MYOCD: variants seen among roughly 807,000 people sequenced by gnomAD.
The protein encoded by MYOCD is myocardin.
MYOCD carries 32 observed loss-of-function variants against 96.1 expected under a neutral mutation model. That is an observed-to-expected ratio of 0.33 (90% CI 0.25 to 0.45). MYOCD has a LOEUF of 0.45. MYOCD is among the 20% of genes least tolerant of loss of function. MYOCD has a pLI of 1.00. For synonymous variants in MYOCD, 469 were observed against 469.0 expected (o/e 1.00, Z 0.00); for missense variants, 1,133 against 1,200.6 (o/e 0.94, Z 0.83).
intron 1 of MYOCD, among the ~76,000 whole-genome samples, chr17:12,676,220 T>C (rs1910027969): frequency 2.0e-5 from 3 of 147,780 alleles, no homozygotes; most frequent in Admixed American, 6.9e-5. Flanking sequence ...ATTTTAGACT[T>C]AGCACCCTCC....
chr17:12,749,240 GA>G (rs1369916876), intron 9 of MYOCD, among the ~76,000 whole-genome samples: 1 of 152,052 alleles, frequency 6.6e-6, no homozygotes, highest in East Asian at 1.9e-4. Context: ...TTCAAAACGT[GA>G]TTTCAGGCGG....
intron 7 of MYOCD, among the ~76,000 whole-genome samples, chr17:12,743,523 G>A (rs369092181): frequency 6.0e-5 from 7 of 116,344 alleles, no homozygotes; most frequent in African/African-American, 1.7e-4. Flanking sequence ...ATGGAGTTTC[G>A]CTCTTGTTGC....
At position 12,763,081 on chromosome 17, in the gene MYOCD, G is replaced by A; in HGVS notation, c.2398G>A (p.Ala800Thr). The change falls in exon 14 of 14, where the codon GCA becomes ACA. Residue 800 changes from alanine (A) to threonine (T), a missense_variant. By Grantham distance (58) the Ala-to-Thr change is moderately conservative. Coordinates refer to ENST00000425538, the MANE Select transcript of MYOCD (RefSeq NM_001146312.3). ...DVLIESGEMP[A>T]DAREDHSCLQ... ...TCGTGTATTGCCCACAGAAATGCCAGCAGACGCTAGAGAGGATCACTCATG... is the reference window on the plus strand; with the variant it reads ...TCGTGTATTGCCCACAGAAATGCCAACAGACGCTAGAGAGGATCACTCATG... The A allele has an allele frequency of 6.2e-7, 1 of 1,604,560 alleles. No individual in the cohort carries two copies. Among genetic ancestry groups the A allele is most frequent in the Non-Finnish European group, 8.5e-7 (1 of 1,176,246 alleles).
At position 12,717,316 on chromosome 17, in the gene MYOCD, T is replaced by C. The variant is rs1332170063; in HGVS notation, c.178-30T>C. On this transcript the variant is annotated intron_variant, in intron 3 of 13. Coordinates refer to ENST00000425538, the MANE Select transcript of MYOCD (RefSeq NM_001146312.3). ...AATTGAGTTTTTTAAAAGGTAAAAC[T>C]AGGTGATTTCTCTTGTTTGGGTTCT... 3.8e-6 allele frequency: 6 copies of C among 1,568,734 alleles called. 1 individual carries two copies. In the South Asian group the frequency reaches 6.8e-5, roughly 18 times the overall value.
In MYOCD at chr17:12,717,416, T is replaced by G. The variant is rs753607516; in HGVS notation, c.248T>G (p.Leu83Arg). Residue 83 changes from leucine (L) to arginine (R), a missense_variant, in exon 4 of 14, where the codon CTC becomes CGC. Physicochemically the swap from Leu to Arg is moderately radical, Grantham distance 102. Coordinates refer to ENST00000425538, the MANE Select transcript of MYOCD (RefSeq NM_001146312.3). ...NSADLVNMHILQASTAERSIP... is the reference protein window; with the variant it reads ...NSADLVNMHIRQASTAERSIP... ...GCCGACTTGGTTAATATGCACATAC[T>G]CCAAGGTAAGGCTGCAAGAAATCAG... The G allele has an allele frequency of 3.1e-6, 5 of 1,613,188 alleles. No individual in the cohort carries two copies. The East Asian group carries it at 8.9e-5, about 29-fold the overall frequency.
intron 2 of MYOCD, among the ~76,000 whole-genome samples, chr17:12,709,769 C>T (rs776125476): frequency 1.3e-5 from 2 of 152,138 alleles, no homozygotes; most frequent in African/African-American, 2.4e-5. Flanking sequence ...TCTACATTCT[C>T]GTGGCATTAG....
chr17:12,758,027 A>AAC, intron 11 of MYOCD, 58 bp from the exon 12 acceptor site: 1 of 1,357,226 alleles, frequency 7.4e-7, no homozygotes, highest in Admixed American at 1.7e-5. Context: ...CTAGAACAGA[A>AAC]ACAACATAAT....
At chr17:12,683,651 TTTTA>T (rs1297624778) in intron 1 of MYOCD, among the ~76,000 whole-genome samples, 2 of 152,314 alleles carry the variant, frequency 1.3e-5, no homozygotes, top group Admixed American at 6.5e-5. Context: ...TGACAACTCC[TTTTA>T]TTTATTTGTT....
In MYOCD at chr17:12,722,996, G is replaced by A. The variant is rs1375533261; in HGVS notation, c.403G>A (p.Glu135Lys). Residue 135 changes from glutamate (E) to lysine (K), a missense_variant, in exon 5 of 14, where the codon GAG (glutamate) becomes AAG (lysine). By Grantham distance (56) the Glu-to-Lys change is moderately conservative. Transcript: ENST00000425538. ...TCTTCCTGTGGATTCTGCTGTGAAA[G>A]AGGCCATAAAAGGTAGTTAGAACAA... ...NILPVDSAVK[E>K]AIKGNQVSFS... 1 of 1,613,786 alleles carries A rather than the reference G, an allele frequency of 6.2e-7. No individual in the cohort carries two copies. Among genetic ancestry groups the A allele is most frequent in the Non-Finnish European group, 8.5e-7 (1 of 1,179,858 alleles).
intron 6 of MYOCD, among the ~76,000 whole-genome samples, chr17:12,738,102 C>T (rs1347886192): frequency 6.6e-6 from 1 of 152,190 alleles, no homozygotes; most frequent in Non-Finnish European, 1.5e-5. Flanking sequence ...AAGTTCTTTT[C>T]TGCTTCACCT....
In MYOCD at chr17:12,666,058, C is replaced by T; in HGVS notation, c.-131C>T. 1.5e-6 allele frequency: 1 copy of T among 680,668 alleles called. No individual in the cohort carries two copies. The highest frequency in any genetic ancestry group is 2.7e-5 in the East Asian group (1 of 36,698). 42.2% of individuals were successfully genotyped at this position (680,668 alleles called of 1,614,324 possible). A position where few individuals can be genotyped will look rare whatever the true frequency, so the allele number is the denominator to read the frequency against. On this transcript the variant is annotated 5_prime_UTR_variant, in exon 1 of 14. Transcript: ENST00000425538. Reference sequence around the variant, plus strand: ...ACACTGGCTGCCACTGTACTCCTACCCAGGGGAGCTCACGGAGAGTTGGAT... The same window carrying T: ...ACACTGGCTGCCACTGTACTCCTACTCAGGGGAGCTCACGGAGAGTTGGAT...
rs368297280 is a variant in MYOCD, at chr17:12,753,077, C to T, written c.1789C>T (p.His597Tyr). ...VKRQSSSSEC[H>Y]PPACEAAQLQ... Reference sequence around the variant, plus strand: ...AAGACAAAGCAGCAGCTCAGAGTGTCACCCACCGGCTTGTGAAGCTGCTCA... The same window carrying T: ...AAGACAAAGCAGCAGCTCAGAGTGTTACCCACCGGCTTGTGAAGCTGCTCA... Residue 597 changes from histidine (H) to tyrosine (Y), a missense_variant, in exon 10 of 14, where the codon CAC (histidine) becomes TAC (tyrosine). Physicochemically the swap from His to Tyr is moderately conservative, Grantham distance 83 (BLOSUM62 2). Coordinates refer to ENST00000425538, the MANE Select transcript of MYOCD (RefSeq NM_001146312.3). 5 of 1,614,222 alleles carry T rather than the reference C, an allele frequency of 3.1e-6. No homozygotes were observed. The African/African-American group carries it at 5.3e-5, about 17-fold the overall frequency.
chr17:12,698,887 C>T (rs1026140261), intron 1 of MYOCD, among the ~76,000 whole-genome samples: 2 of 151,204 alleles, frequency 1.3e-5, no homozygotes, highest in East Asian at 2.0e-4. Context: ...GGACTACAGA[C>T]GCCCGCCACC....
chr17:12,744,335 C>CCTGCAGCAA lies in MYOCD; in HGVS notation c.871_872insTGCAGCAAC (p.Leu290_Gln291insLeuGlnGln). 6.2e-7 allele frequency: 1 copy of CCTGCAGCAA among 1,614,164 alleles called. No individual in the cohort carries two copies. The highest frequency in any genetic ancestry group is 8.5e-7 in the Non-Finnish European group (1 of 1,180,016). ...TGGACTCAGCCTACGCTCGGCTGCT[C>CCTGCAGCAA]CAGCAACAGCAGCTGTTCCTGCAGC... On this transcript the variant is annotated inframe_insertion, in exon 8 of 14. Transcript: ENST00000425538.
At chr17:12,739,682 T>G (rs1014721065) in intron 7 of MYOCD, among the ~76,000 whole-genome samples, 21 of 152,308 alleles carry the variant, frequency 1.4e-4, no homozygotes, top group African/African-American at 5.1e-4. Context: ...TATGCAGCAG[T>G]TGGATTTTAT....
intron 1 of MYOCD, among the ~76,000 whole-genome samples, chr17:12,667,573 A>T (rs962347008): frequency 2.0e-5 from 3 of 152,162 alleles, no homozygotes; most frequent in Non-Finnish European, 4.4e-5. Flanking sequence ...AGAAGAGAGG[A>T]TGTAGATTTG....
At chr17:12,721,594 C>T (rs986065028) in intron 4 of MYOCD, among the ~76,000 whole-genome samples, 1 of 152,154 alleles carries the variant, frequency 6.6e-6, no homozygotes, top group African/African-American at 2.4e-5. Flanking sequence ...GGACCAGGCT[C>T]TCTGGAATGG....
intron 6 of MYOCD, 116 bp downstream of exon 6, chr17:12,736,452 C>A: frequency 9.5e-7 from 1 of 1,051,324 alleles, no homozygotes; most frequent in Non-Finnish European, 1.4e-6. Context: ...GCAGAGATGT[C>A]CCTGGCTGCC....
chr17:12,694,735 T>A (rs1394498088), intron 1 of MYOCD, among the ~76,000 whole-genome samples: 2 of 152,198 alleles, frequency 1.3e-5, no homozygotes, highest in Non-Finnish European at 2.9e-5. Flanking sequence ...GAAATCATTC[T>A]ACTTCTAGGA....
Sources: gnomAD v4.1 joint callset for allele counts (sites outside exome capture counted in the v4.1 genomes callset) on GRCh38, gnomAD v4.1.1 for gene constraint, MANE v1.5 for transcripts, NCBI Gene and HGNC (gene_info 2026-07-23, HGNC 2026-07-21) for gene names.